Variants in CHIC1 observed in about 807,000 individuals in gnomAD.
CHIC1 encodes cysteine rich hydrophobic domain 1.
CHIC1 carries 7 observed loss-of-function variants against 18.5 expected under a neutral mutation model. The observed-to-expected ratio is 0.38, with a 90% CI of 0.22 to 0.71. The LOEUF is 0.71. Among genes scored for constraint, CHIC1 ranks in the 30% least tolerant of loss-of-function variants. The probability of loss-of-function intolerance (pLI) is 0.49; values close to 1 mark genes in which losing one functional copy is unlikely to be tolerated. For missense variants in CHIC1, 159 were observed against 176.9 expected (o/e 0.90, Z 0.57); for synonymous variants, 77 against 73.5 (o/e 1.05, Z -0.25).
rs1158102289 is a variant in CHIC1 at position 73,577,480 on chromosome X, T to A, written c.351+19T>A. On this transcript the variant is annotated intron_variant, in intron 2 of 5. Coordinates refer to ENST00000373502, the MANE Select transcript of CHIC1 (RefSeq NM_001039840.4). ...AGGGAAGGTAAGTGAGAATTTGCTTTGAACTTTTCAGTTCTAAAGCATTGT... is the reference window on the plus strand; with the variant it reads ...AGGGAAGGTAAGTGAGAATTTGCTTAGAACTTTTCAGTTCTAAAGCATTGT... 2 of 1,131,533 alleles carry A rather than the reference T, an allele frequency of 1.8e-6. No homozygotes were observed. The highest frequency in any genetic ancestry group is 6.0e-5 in the East Asian group (2 of 33,420). 93.3% of individuals were successfully genotyped at this position (1,131,533 alleles called of 1,213,427 possible).
intron 2 of CHIC1, among the ~76,000 whole-genome samples, chrX:73,583,147 T>C (rs2057535533): frequency 9.0e-6 from 1 of 111,428 alleles, no homozygotes; most frequent in South Asian, 3.7e-4. Context: ...CTATTGTTTG[T>C]TAACATATTA....
chrX:73,642,919 T>C (rs1008249730), intron 3 of CHIC1, among the ~76,000 whole-genome samples: 6 of 110,300 alleles, frequency 5.4e-5, no homozygotes, highest in African/African-American at 2.0e-4. Context: ...TTTTGGTTAC[T>C]GTAGCCTTGT....
chrX:73,607,882 G>A (rs1451244616), intron 3 of CHIC1, among the ~76,000 whole-genome samples: 1 of 108,303 alleles, frequency 9.2e-6, no homozygotes, highest in Admixed American at 9.6e-5. Flanking sequence ...GAGATCACCT[G>A]CCTCCTGCAC....
chrX:73,653,738 T>G (rs1389084885), intron 3 of CHIC1, among the ~76,000 whole-genome samples: 1 of 112,441 alleles, frequency 8.9e-6, no homozygotes, highest in East Asian at 2.8e-4. Flanking sequence ...TTTAATTTCT[T>G]TCATCAATGT....
At chrX:73,655,351 TACAA>T (rs1215097563) in intron 3 of CHIC1, among the ~76,000 whole-genome samples, 14 of 102,747 alleles carry the variant, frequency 1.4e-4, no homozygotes, top group African/African-American at 5.0e-4. Flanking sequence ...TATACACACA[TACAA>T]ACACTATATA....
chrX:73,657,122 C>T lies in CHIC1; in HGVS notation c.508-22204C>T, dbSNP rs746367648. On this transcript the variant is annotated intron_variant, in intron 3 of 5. Coordinates refer to ENST00000373502, the MANE Select transcript of CHIC1 (RefSeq NM_001039840.4). The stretch of plus-strand genomic sequence containing the variant: ...TCGCCCAGACTGGAGTGCAGTGGCA[C>T]GATCTCGGCTCACTGCAAGCTCCAC... 6.7e-4 allele frequency among the ~76,000 whole-genome samples: 70 copies of T among 105,209 alleles called. No individual in the cohort carries two copies. The East Asian group carries it at 7.3e-3, about 11-fold the overall frequency. 91.4% of individuals were successfully genotyped at this position (105,209 alleles called of 115,157 possible).
intron 3 of CHIC1, among the ~76,000 whole-genome samples, chrX:73,587,022 A>G (rs2057556142): frequency 8.9e-6 from 1 of 112,095 alleles, no homozygotes. Flanking sequence ...TTTATTTACA[A>G]AAACAGGCAG....
chrX:73,676,669 T>C (rs1008761869), intron 3 of CHIC1, among the ~76,000 whole-genome samples: 1 of 111,547 alleles, frequency 9.0e-6, no homozygotes, highest in African/African-American at 3.3e-5. Context: ...TCTTTGCCAT[T>C]GGTTCGAATT....
chrX:73,650,596 C>G (rs1212183739), intron 3 of CHIC1, among the ~76,000 whole-genome samples: 1 of 109,252 alleles, frequency 9.2e-6, no homozygotes, highest in African/African-American at 3.3e-5. Context: ...TTGATAAACT[C>G]CTCGACACAT....
At position 73,619,007 on chromosome X, in the gene CHIC1, G is replaced by A. The variant is rs769453901; in HGVS notation, c.507+34435G>A. ...CTTCTTCTACCCCTGCATTTTGCTC[G>A]GCTCTCTAAAACCGTCTCAGTTCCA... On this transcript the variant is annotated intron_variant, in intron 3 of 5. Coordinates refer to ENST00000373502, the MANE Select transcript of CHIC1 (RefSeq NM_001039840.4). 2.4e-4 allele frequency among the ~76,000 whole-genome samples: 27 copies of A among 111,640 alleles called. 1 individual carries two copies. The South Asian group carries it at 9.1e-3, about 38-fold the overall frequency.
chrX:73,644,796 G>GCT (rs1040173138), intron 3 of CHIC1, among the ~76,000 whole-genome samples: 20 of 107,577 alleles, frequency 1.9e-4, no homozygotes, highest in African/African-American at 6.8e-4. Context: ...ATCCAGGTTT[G>GCT]CTGTTTTTTT....
At chrX:73,614,901 AATT>A (rs1413511376) in intron 3 of CHIC1, among the ~76,000 whole-genome samples, 10 of 108,749 alleles carry the variant, frequency 9.2e-5, no homozygotes, top group Non-Finnish European at 1.3e-4. Flanking sequence ...GTTCCTGGAG[AATT>A]ATTGTGTTCT....
chrX:73,676,756 T>G (rs1470145510), intron 3 of CHIC1, among the ~76,000 whole-genome samples: 2 of 112,279 alleles, frequency 1.8e-5, no homozygotes, highest in Admixed American at 1.9e-4. Context: ...TCTGTTCAGC[T>G]TTGTGCCATT....
intron 3 of CHIC1, among the ~76,000 whole-genome samples, chrX:73,653,364 A>C (rs1471140905): frequency 9.0e-6 from 1 of 111,691 alleles, no homozygotes; most frequent in African/African-American, 3.3e-5. Context: ...CAAGAAAATC[A>C]GTTGGCTGTA....
At chrX:73,679,432 A>T in intron 4 of CHIC1, 50 bp downstream of exon 4, 1 of 864,726 alleles carries the variant, frequency 1.2e-6, no homozygotes, top group Non-Finnish European at 1.7e-6. Context: ...TTGCAGCATT[A>T]AATTGAAAAA....
At chrX:73,604,273 C>T (rs1027748621) in intron 3 of CHIC1, among the ~76,000 whole-genome samples, 4 of 104,191 alleles carry the variant, frequency 3.8e-5, no homozygotes, top group Non-Finnish European at 5.8e-5. Flanking sequence ...TCCATTTCTT[C>T]GAGATTTTCT....
chrX:73,654,422 A>G (rs926340363), intron 3 of CHIC1, among the ~76,000 whole-genome samples: 8 of 111,800 alleles, frequency 7.2e-5, no homozygotes, highest in Non-Finnish European at 1.1e-4. Context: ...ATGTGTTACT[A>G]GATATTCATT....
At chrX:73,655,454 AATATT>A in intron 3 of CHIC1, among the ~76,000 whole-genome samples, 1 of 33,798 alleles carries the variant, frequency 3.0e-5, no homozygotes, top group Non-Finnish European at 6.4e-5. Flanking sequence ...ATATATACAC[AATATT>A]GTGTATATAT....
In CHIC1 at chrX:73,668,780, G is replaced by T. The variant is rs567367599; in HGVS notation, c.508-10546G>T. ...GCCAGCCTGAACATGTCTGTAGGAG[G>T]TGACTGGAGACCCGTTTGGTGGTCT... On this transcript the variant is annotated intron_variant, in intron 3 of 5. Transcript: ENST00000373502. Among the ~76,000 whole-genome samples, 9 of 112,386 alleles carry T rather than the reference G, an allele frequency of 8.0e-5. No homozygotes were observed. In the South Asian group the frequency reaches 2.9e-3, roughly 36 times the overall value.
Sources: gnomAD v4.1 joint callset for allele counts (sites outside exome capture counted in the v4.1 genomes callset) on GRCh38, gnomAD v4.1.1 for gene constraint, MANE v1.5 for transcripts, NCBI Gene and HGNC (gene_info 2026-07-23, HGNC 2026-07-21) for gene names.